CCDC91: variants seen among roughly 807,000 people sequenced by gnomAD.
The protein encoded by CCDC91 is coiled-coil domain containing 91.
In CCDC91, 48 loss-of-function variants were observed where a neutral mutation model predicts 63.2. That is an observed-to-expected ratio of 0.76 (90% CI 0.60 to 0.97). The LOEUF is 0.97. Among genes scored for constraint, CCDC91 ranks in the 50% least tolerant of loss-of-function variants. CCDC91 has a pLI of 0.00. For synonymous variants in CCDC91, 167 were observed against 165.8 expected (o/e 1.01, Z -0.06); for missense variants, 500 against 494.6 (o/e 1.01, Z -0.10).
chr12:28,350,963 G>C (rs371274122), intron 6 of CCDC91, among the ~76,000 whole-genome samples: 21 of 152,148 alleles, frequency 1.4e-4, no homozygotes, highest in African/African-American at 4.6e-4. Context: ...GCATTCATAG[G>C]TACCAAGGAT....
intron 8 of CCDC91, among the ~76,000 whole-genome samples, chr12:28,399,622 A>G (rs1946494861): frequency 6.6e-6 from 1 of 152,260 alleles, no homozygotes; most frequent in Admixed American, 6.5e-5. Flanking sequence ...AGCCTGTAGA[A>G]TCAAAAGCAA....
chr12:28,200,896 G>T (rs1293629994), intron 1 of CCDC91, among the ~76,000 whole-genome samples: 1 of 151,170 alleles, frequency 6.6e-6, no homozygotes, highest in Non-Finnish European at 1.5e-5. Flanking sequence ...GGCTGGCCGG[G>T]CGGGGGGCTG....
intron 6 of CCDC91, among the ~76,000 whole-genome samples, chr12:28,309,854 G>A (rs2137152151): frequency 6.6e-6 from 1 of 151,970 alleles, no homozygotes. Flanking sequence ...TATAAAATAA[G>A]GCCCTTTGTA....
At position 28,208,738 on chromosome 12, in the gene CCDC91, C is replaced by T. The variant is rs527741635; in HGVS notation, c.-15+18097C>T. On this transcript the variant is annotated intron_variant, in intron 1 of 12. Coordinates refer to ENST00000536442, the MANE Select transcript of CCDC91 (RefSeq NM_018318.5). ...GATAGAGGGAAGACTTAACTTTTGTCTCTTGTCTTTCCCTTCCTTTTTGGT... is the reference window on the plus strand; with the variant it reads ...GATAGAGGGAAGACTTAACTTTTGTTTCTTGTCTTTCCCTTCCTTTTTGGT... Among the ~76,000 whole-genome samples the T allele has an allele frequency of 3.3e-5, 5 of 152,242 alleles. No homozygotes were observed. The East Asian group carries it at 5.8e-4, about 18-fold the overall frequency.
intron 6 of CCDC91, among the ~76,000 whole-genome samples, chr12:28,325,548 G>A (rs1485539974): frequency 6.6e-6 from 1 of 151,548 alleles, no homozygotes; most frequent in African/African-American, 2.4e-5. Context: ...CTATAGCAAG[G>A]TAAAGGATAC....
Position 28,450,345 on chromosome 12 carries a change from G to A in CCDC91, c.856-5G>A. On this transcript the variant is annotated splice_region_variant and splice_polypyrimidine_tract_variant and intron_variant, in intron 9 of 12. Transcript: ENST00000536442. ...TGTCTTTCCAACTGTTTTATCATTT[G>A]ACAGGAAATATTGGAAAAGTGTTTG... 6.2e-7 allele frequency: 1 copy of A among 1,610,744 alleles called. No individual in the cohort carries two copies. The highest frequency in any genetic ancestry group is 8.5e-7 in the Non-Finnish European group (1 of 1,177,384).
At chr12:28,439,235 T>C (rs1463659470) in intron 8 of CCDC91, among the ~76,000 whole-genome samples, 2 of 152,174 alleles carry the variant, frequency 1.3e-5, no homozygotes, top group Non-Finnish European at 2.9e-5. Flanking sequence ...ATTTTGGGCT[T>C]GTGGTAACTT....
rs571178000 is a variant in CCDC91, at chr12:28,496,404, G to A, written c.1215+12239G>A. On this transcript the variant is annotated intron_variant, in intron 12 of 12. Coordinates refer to ENST00000536442, the MANE Select transcript of CCDC91 (RefSeq NM_018318.5). ...CTCGCACATTTGACTCTGGTTAGTG[G>A]AGCCATAGGAGCAGAGCAGGCTAGA... Among the ~76,000 whole-genome samples, 7 of 151,666 alleles carry A rather than the reference G, an allele frequency of 4.6e-5. No individual in the cohort carries two copies. The East Asian group carries it at 7.8e-4, about 17-fold the overall frequency.
intron 1 of CCDC91, among the ~76,000 whole-genome samples, chr12:28,232,973 C>CAA (rs35495535): frequency 0.017 from 1,465 of 87,504 alleles, 6 homozygotes; most frequent in Middle Eastern, 0.038. Context: ...ACTCTATCTC[C>CAA]AAAAAAAAAA....
intron 7 of CCDC91, among the ~76,000 whole-genome samples, chr12:28,367,550 A>G (rs1055054574): frequency 6.6e-6 from 1 of 152,238 alleles, no homozygotes; most frequent in Admixed American, 6.5e-5. Context: ...GGAGTGAAGA[A>G]AGAAGGCAAA....
chr12:28,278,534 T>C (rs191890458), intron 3 of CCDC91, among the ~76,000 whole-genome samples: 1 of 152,104 alleles, frequency 6.6e-6, no homozygotes, highest in Admixed American at 6.6e-5. Context: ...CTTAATAAAA[T>C]CACTGTTCAT....
At chr12:28,395,025 GT>G (rs1295447045) in intron 8 of CCDC91, among the ~76,000 whole-genome samples, 14 of 152,142 alleles carry the variant, frequency 9.2e-5, no homozygotes, top group African/African-American at 3.1e-4. Context: ...AGCTAAGACT[GT>G]TTGTATAGCT....
chr12:28,441,085 G>GA (rs67954730), intron 8 of CCDC91, among the ~76,000 whole-genome samples: 13,318 of 51,810 alleles, frequency 0.26, 344 homozygotes, highest in Non-Finnish European at 0.28. Context: ...AAAAAAAAAA[G>GA]AAAAGAAAAA....
At chr12:28,310,513 T>C (rs1170886448) in intron 6 of CCDC91, among the ~76,000 whole-genome samples, 2 of 152,052 alleles carry the variant, frequency 1.3e-5, no homozygotes, top group African/African-American at 2.4e-5. Flanking sequence ...TTAGGACCTA[T>C]AGGCTTCTCT....
chr12:28,213,203 CTG>C (rs1372538983), intron 1 of CCDC91, among the ~76,000 whole-genome samples: 2 of 152,186 alleles, frequency 1.3e-5, no homozygotes, highest in African/African-American at 4.8e-5. Flanking sequence ...CCCAAGCAAA[CTG>C]TAATGGCTTT....
Position 28,413,160 on chromosome 12 carries a change from C to T in CCDC91, c.762+21749C>T, listed in dbSNP as rs187005672. On this transcript the variant is annotated intron_variant, in intron 8 of 12. Coordinates refer to ENST00000536442, the MANE Select transcript of CCDC91 (RefSeq NM_018318.5). ...CTATATAAGCTAGAACTCAGAACCA[C>T]CTCTTGAGAACTACTCATTCCCTGG... is the stretch of plus-strand genomic sequence containing the variant. Among the ~76,000 whole-genome samples, 368 of 152,038 alleles carry T rather than the reference C, an allele frequency of 2.4e-3. 1 individual carries two copies. The highest frequency in any genetic ancestry group is 8.5e-3 in the African/African-American group (350 of 41,346).
chr12:28,365,767 GCATTCC>G (rs1231304924), intron 7 of CCDC91, among the ~76,000 whole-genome samples: 5 of 152,166 alleles, frequency 3.3e-5, no homozygotes, highest in Admixed American at 2.6e-4. Flanking sequence ...TAAAGTCATA[GCATTCC>G]TTGACATTTC....
At chr12:28,522,154 C>T (rs1246788646) in intron 12 of CCDC91, among the ~76,000 whole-genome samples, 3 of 152,138 alleles carry the variant, frequency 2.0e-5, no homozygotes, top group Non-Finnish European at 2.9e-5. Flanking sequence ...ATGGTACAAG[C>T]TCCTCCTTGT....
At chr12:28,348,683 T>G (rs1942981914) in intron 6 of CCDC91, among the ~76,000 whole-genome samples, 3 of 152,152 alleles carry the variant, frequency 2.0e-5, no homozygotes. Flanking sequence ...CTTTCCTTTA[T>G]TTTCTCTCTC....
Sources: gnomAD v4.1 joint callset for allele counts (sites outside exome capture counted in the v4.1 genomes callset) on GRCh38, gnomAD v4.1.1 for gene constraint, MANE v1.5 for transcripts, NCBI Gene and HGNC (gene_info 2026-07-23, HGNC 2026-07-21) for gene names.